Variants in ARFGEF1 observed in about 807,000 individuals in gnomAD.
ARFGEF1 encodes the protein brefeldin A-inhibited guanine nucleotide-exchange protein 1.
ARFGEF1 carries 42 observed loss-of-function variants against 231.0 expected under a neutral mutation model. That is an observed-to-expected ratio of 0.18 (90% CI 0.14 to 0.24). The LOEUF (loss-of-function observed/expected upper bound fraction) is 0.24. ARFGEF1 is among the 10% of genes least tolerant of loss of function. The probability of loss-of-function intolerance (pLI) is 1.00; values close to 1 mark genes in which losing one functional copy is unlikely to be tolerated. For synonymous variants in ARFGEF1, 710 were observed against 732.3 expected (o/e 0.97, Z 0.49); for missense variants, 1,345 against 2,192.0 (o/e 0.61, Z 7.72).
At chr8:67,329,674 A>G (rs1217122254) in intron 1 of ARFGEF1, among the ~76,000 whole-genome samples, 3 of 151,850 alleles carry the variant, frequency 2.0e-5, no homozygotes, top group African/African-American at 7.2e-5. Flanking sequence ...GTTTTCTTAT[A>G]CACTTTCTGA....
At chr8:67,275,847 C>G in intron 9 of ARFGEF1, 129 bp downstream of exon 9, 1 of 1,123,136 alleles carries the variant, frequency 8.9e-7, no homozygotes, top group Non-Finnish European at 1.3e-6. Context: ...TAAAATACCT[C>G]CCCTCCACCC....
chr8:67,236,191 C>T (rs193263338), intron 22 of ARFGEF1, among the ~76,000 whole-genome samples: 2 of 149,048 alleles, frequency 1.3e-5, no homozygotes, highest in East Asian at 4.0e-4. Flanking sequence ...GGTGGCACAC[C>T]CCTGTAATCC....
intron 1 of ARFGEF1, among the ~76,000 whole-genome samples, chr8:67,317,860 C>G (rs1283460727): frequency 1.4e-5 from 2 of 145,866 alleles, no homozygotes; most frequent in Admixed American, 6.9e-5. Flanking sequence ...GATTGTGCCA[C>G]TGTACTCCAG....
intron 1 of ARFGEF1, among the ~76,000 whole-genome samples, chr8:67,315,289 C>T (rs541823812): frequency 5.3e-5 from 8 of 152,112 alleles, no homozygotes; most frequent in African/African-American, 1.9e-4. Flanking sequence ...AAAGGAGAAA[C>T]AGACAAATCT....
At chr8:67,177,321 A>C (rs1831933224) in intron 5 of ARFGEF1, among the ~76,000 whole-genome samples, 1 of 152,200 alleles carries the variant, frequency 6.6e-6, no homozygotes, top group Non-Finnish European at 1.5e-5. Flanking sequence ...AGCTTATTTC[A>C]GTTCCATGTG....
In ARFGEF1 at chr8:67,333,408, C is replaced by T. The variant is rs560362038; in HGVS notation, c.124+9756G>A. On this transcript the variant is annotated intron_variant, in intron 1 of 38. Coordinates refer to ENST00000262215, the MANE Select transcript of ARFGEF1 (RefSeq NM_006421.5). The stretch of plus-strand genomic sequence containing the variant: ...CCAGTGGTGGGATCACAGCTCACTG[C>T]AGCCTCAACCTTCTGGGCCACCTCA... 3.3e-5 allele frequency among the ~76,000 whole-genome samples: 5 copies of T among 151,624 alleles called. No individual in the cohort carries two copies. In the East Asian group the frequency reaches 5.8e-4, roughly 18 times the overall value.
chr8:67,298,845 A>G (rs1366031145), intron 4 of ARFGEF1, among the ~76,000 whole-genome samples: 2 of 152,140 alleles, frequency 1.3e-5, no homozygotes, highest in Non-Finnish European at 2.9e-5. Flanking sequence ...GGCTCACTGC[A>G]ACCTCCGCCT....
rs771753506 is a variant in ARFGEF1 at position 67,266,225 on chromosome 8, G to C, written c.1922-18C>G. ...TTCCTGACCTGAAAGAAGAAAAATT[G>C]ATAGAGTACATTATTCTATCAAAGA... On this transcript the variant is annotated intron_variant, in intron 13 of 38. Transcript: ENST00000262215. The C allele has an allele frequency of 2.3e-5, 37 of 1,602,254 alleles. No individual in the cohort carries two copies. The highest frequency in any genetic ancestry group is 3.0e-5 in the Non-Finnish European group (35 of 1,171,152).
chr8:67,177,068 C>T (rs1024447196), intron 5 of ARFGEF1, among the ~76,000 whole-genome samples: 1 of 98,874 alleles, frequency 1.0e-5, no homozygotes, highest in African/African-American at 4.1e-5. Context: ...GAGACTTAGT[C>T]TCAAAAAAAA....
intron 5 of ARFGEF1, among the ~76,000 whole-genome samples, chr8:67,189,483 A>G (rs763027623): frequency 4.6e-5 from 7 of 152,228 alleles, no homozygotes; most frequent in Non-Finnish European, 7.3e-5. Flanking sequence ...CCCAAAACTT[A>G]TTTTAGAATT....
chr8:67,283,876 G>T (rs796654362), intron 7 of ARFGEF1, among the ~76,000 whole-genome samples: 19 of 152,256 alleles, frequency 1.2e-4, no homozygotes, highest in African/African-American at 4.3e-4. Context: ...TACATTAATG[G>T]TAAGAGTGCA....
intron 1 of ARFGEF1, among the ~76,000 whole-genome samples, chr8:67,314,074 C>T (rs974894706): frequency 6.6e-6 from 1 of 152,106 alleles, no homozygotes; most frequent in African/African-American, 2.4e-5. Flanking sequence ...AGGTCTCACC[C>T]AGCTCCCATG....
At chr8:67,210,454 G>C (rs186323287) in intron 34 of ARFGEF1, among the ~76,000 whole-genome samples, 55 of 152,148 alleles carry the variant, frequency 3.6e-4, no homozygotes, top group African/African-American at 8.2e-4. Context: ...CTGGGTGACA[G>C]AGTGAGACTC....
intron 5 of ARFGEF1, among the ~76,000 whole-genome samples, chr8:67,294,232 A>G (rs1806134233): frequency 6.6e-6 from 1 of 152,186 alleles, no homozygotes; most frequent in African/African-American, 2.4e-5. Flanking sequence ...GAGTATCCAC[A>G]GATTTTGGTA....
chr8:67,220,908 T>TC (rs1839133863), intron 29 of ARFGEF1, among the ~76,000 whole-genome samples: 1 of 151,726 alleles, frequency 6.6e-6, no homozygotes, highest in South Asian at 2.1e-4. Context: ...TTTTTTTTTT[T>TC]TTTTAAAGCC....
rs761466935 is a variant in ARFGEF1 at position 67,227,354 on chromosome 8, C to T, written c.3744-45G>A. ...TGCTTGGATATGCAAACCGATAAAA[C>T]TCATCAGTTTTTCCCCCTTTCTTCT... On this transcript the variant is annotated intron_variant, in intron 26 of 38. Transcript: ENST00000262215. 2.5e-6 allele frequency: 4 copies of T among 1,599,432 alleles called. No individual in the cohort carries two copies. The Admixed American group carries it at 5.1e-5, about 20-fold the overall frequency.
intron 2 of ARFGEF1, 59 bp from the exon 3 acceptor site, chr8:67,301,439 C>T (rs768189327): frequency 2.6e-5 from 39 of 1,494,860 alleles, no homozygotes; most frequent in Non-Finnish European, 3.3e-5. Context: ...TGATAATAAA[C>T]CCATGTAGAA....
chr8:67,228,301 G>C (rs1482909212), intron 23 of ARFGEF1, 37 bp from the exon 24 acceptor site: 6 of 1,571,334 alleles, frequency 3.8e-6, no homozygotes, highest in Non-Finnish European at 5.2e-6. Context: ...AAATTTATAA[G>C]TTACTGTTCT....
At chr8:67,292,675 AAATGTCT>A (rs1806060711) in intron 5 of ARFGEF1, among the ~76,000 whole-genome samples, 1 of 152,164 alleles carries the variant, frequency 6.6e-6, no homozygotes, top group African/African-American at 2.4e-5. Flanking sequence ...CTATATCTAC[AAATGTCT>A]GAATTTTATT....
Sources: gnomAD v4.1 joint callset for allele counts (sites outside exome capture counted in the v4.1 genomes callset) on GRCh38, gnomAD v4.1.1 for gene constraint, MANE v1.5 for transcripts, NCBI Gene and HGNC (gene_info 2026-07-23, HGNC 2026-07-21) for gene names.